The following ZNF91 variants were observed in gnomAD, a reference collection of about 807,000 sequenced individuals.
ZNF91 encodes zinc finger protein 91 (HPF7, HTF10).
Under a neutral mutation model 12.6 loss-of-function variants are expected in ZNF91, and 7 were observed. That is an observed-to-expected ratio of 0.55 (90% CI 0.31 to 1.04). The LOEUF (loss-of-function observed/expected upper bound fraction) is 1.04, where lower values mean the gene tolerates loss of function less well. Among genes scored for constraint, ZNF91 ranks in the 50% least tolerant of loss-of-function variants. ZNF91 has a pLI of 0.05. For synonymous variants in ZNF91, 453 were observed against 462.6 expected (o/e 0.98, Z 0.27); for missense variants, 1,217 against 1,385.4 (o/e 0.88, Z 1.93).
chr19:23,373,821 C>T lies in ZNF91; in HGVS notation c.174G>A (p.Lys58=), dbSNP rs1049572487. ...GCTCCAGATAAGTAATCAGGTCTGG[C>T]TTAGAGAGAGCAATACCTGTTTTAT... ...NLAFLGIALS[K]PDLITYLEQG... The change falls in exon 3 of 4, where the codon AAG becomes AAA. Residue 58 remains lysine, a synonymous_variant. Coordinates refer to ENST00000300619, the MANE Select transcript of ZNF91 (RefSeq NM_003430.4). The T allele has an allele frequency of 6.2e-7, 1 of 1,605,428 alleles. No individual in the cohort carries two copies. The highest frequency in any genetic ancestry group is 1.3e-5 in the African/African-American group (1 of 74,496).
chr19:23,340,660 T>C (rs912664302), intron 3 of ZNF91, among the ~76,000 whole-genome samples: 2 of 151,858 alleles, frequency 1.3e-5, no homozygotes, highest in African/African-American at 4.8e-5. Context: ...AAACTCTTCC[T>C]AAGTCACTCA....
rs369524177 is a variant in ZNF91, at chr19:23,361,295, T to C, written c.1684A>G (p.Thr562Ala). The C allele has an allele frequency of 8.7e-6, 14 of 1,611,818 alleles. No homozygotes were observed. In the African/African-American group the frequency reaches 1.7e-4, roughly 20 times the overall value. Residue 562 changes from threonine (T) to alanine (A), a missense_variant, in exon 4 of 4, where the codon ACT becomes GCT. Coordinates refer to ENST00000300619, the MANE Select transcript of ZNF91 (RefSeq NM_003430.4). ...GKAFKQFSTL[T>A]THKIIHAGKK... ...CCAGCATGAATTATTTTATGTGTAG[T>C]AAGGGTTGAGAATTGCTTAAAAGCT...
chr19:23,313,699 G>T (rs1967507160), upstream of ZNF91, among the ~76,000 whole-genome samples: 1 of 152,152 alleles, frequency 6.6e-6, no homozygotes, highest in African/African-American at 2.4e-5. Flanking sequence ...TCAGTTTACT[G>T]CTTAGGTTCT....
chr19:23,392,173 A>C (rs1351080159), intron 1 of ZNF91, among the ~76,000 whole-genome samples: 4 of 152,050 alleles, frequency 2.6e-5, no homozygotes, highest in Non-Finnish European at 5.9e-5. Flanking sequence ...AGGTGGGTGG[A>C]TCACCTGAGG....
chr19:23,318,177 G>A (rs1967609658), intron 1 of ZNF91, among the ~76,000 whole-genome samples: 1 of 152,172 alleles, frequency 6.6e-6, no homozygotes, highest in African/African-American at 2.4e-5. Context: ...AAGGCATTGT[G>A]ACACCCAAGT....
intron 3 of ZNF91, among the ~76,000 whole-genome samples, chr19:23,363,779 GAC>G (rs1365359374): frequency 6.6e-6 from 1 of 151,914 alleles, no homozygotes; most frequent in Non-Finnish European, 1.5e-5. Context: ...TAGGAACAGA[GAC>G]AACTATGGAA....
chr19:23,373,489 C>T (rs545874145), intron 3 of ZNF91, among the ~76,000 whole-genome samples: 45 of 151,560 alleles, frequency 3.0e-4, no homozygotes, highest in Non-Finnish European at 4.9e-4. Flanking sequence ...TAGCAAAATG[C>T]ACTCTTTTCT....
chr19:23,352,057 G>T (rs1002310173), intron 3 of ZNF91, among the ~76,000 whole-genome samples: 1 of 152,200 alleles, frequency 6.6e-6, no homozygotes, highest in Non-Finnish European at 1.5e-5. Flanking sequence ...GAACCCAGGG[G>T]AAGGCGAGAA....
Position 23,318,980 on chromosome 19 carries a change from A to G in ZNF91, n.117-9883T>C, listed in dbSNP as rs560722529. On this transcript the variant is annotated intron_variant and non_coding_transcript_variant, in intron 1 of 1. Coordinates refer to the ZNF91 transcript ENST00000596528. ...GTAATTTTGACATAGGGCTGGGCTC[A>G]TCTGTCTAGGTTATGTGACAGGTTA... Among the ~76,000 whole-genome samples, 149 of 152,300 alleles carry G rather than the reference A, an allele frequency of 9.8e-4. 1 individual carries two copies. In the Middle Eastern group the frequency reaches 0.014, roughly 14 times the overall value.
chr19:23,363,388 CAG>C (rs1968888038), intron 3 of ZNF91, among the ~76,000 whole-genome samples: 1 of 152,154 alleles, frequency 6.6e-6, no homozygotes. Context: ...GTTACAGCAG[CAG>C]AGAGACTGCA....
At chr19:23,343,177 TA>T (rs1222724948) in intron 3 of ZNF91, among the ~76,000 whole-genome samples, 1 of 150,974 alleles carries the variant, frequency 6.6e-6, no homozygotes, top group African/African-American at 2.5e-5. Context: ...TTATACACAG[TA>T]AGTTCTGTCC....
At chr19:23,331,340 ATT>A (rs1425877671) in intron 1 of ZNF91, among the ~76,000 whole-genome samples, 2 of 152,228 alleles carry the variant, frequency 1.3e-5, no homozygotes, top group African/African-American at 2.4e-5. Context: ...CAGAGAAGTA[ATT>A]TGAGTTTACT....
downstream of ZNF91, among the ~76,000 whole-genome samples, chr19:23,335,327 G>A (rs1416652416): frequency 1.3e-5 from 2 of 152,138 alleles, no homozygotes; most frequent in Non-Finnish European, 2.9e-5. Flanking sequence ...CTCTGTGCTG[G>A]GAGAACCACT....
intron 3 of ZNF91, among the ~76,000 whole-genome samples, chr19:23,365,067 G>C (rs1042291820): frequency 4.0e-5 from 6 of 151,392 alleles, no homozygotes; most frequent in Admixed American, 3.3e-4. Flanking sequence ...CCATCAACTA[G>C]ATTAACATAT....
intron 2 of ZNF91, 94 bp downstream of exon 2, chr19:23,374,544 A>G: frequency 4.7e-6 from 6 of 1,279,950 alleles, no homozygotes; most frequent in Non-Finnish European, 6.3e-6. Flanking sequence ...TGGGCAACAG[A>G]GCAAGACTCT....
intron 3 of ZNF91, among the ~76,000 whole-genome samples, chr19:23,370,503 A>G (rs1472348030): frequency 6.6e-6 from 1 of 152,122 alleles, no homozygotes; most frequent in African/African-American, 2.4e-5. Context: ...TGAAATATAC[A>G]GTTTTGTTTA....
chr19:23,364,026 G>C (rs1968907387), intron 3 of ZNF91, among the ~76,000 whole-genome samples: 1 of 152,098 alleles, frequency 6.6e-6, no homozygotes, highest in Non-Finnish European at 1.5e-5. Context: ...TAAAAGTGAT[G>C]TGCCAGGCCA....
chr19:23,390,248 G>A (rs947625694), intron 1 of ZNF91, among the ~76,000 whole-genome samples: 5 of 152,054 alleles, frequency 3.3e-5, no homozygotes, highest in Admixed American at 6.6e-5. Context: ...CCCGGGAGAC[G>A]GAGGTTGTGG....
chr19:23,385,980 CAAAAT>C (rs976951163), intron 1 of ZNF91, among the ~76,000 whole-genome samples: 2 of 151,740 alleles, frequency 1.3e-5, no homozygotes, highest in Non-Finnish European at 2.9e-5. Context: ...TTTTAGGATA[CAAAAT>C]AAATGGACAA....
Sources: allele counts gnomAD v4.1 joint callset (sites outside exome capture counted in the v4.1 genomes callset), GRCh38; gene constraint gnomAD v4.1.1; transcripts MANE v1.5; gene names NCBI Gene and HGNC (gene_info 2026-07-23, HGNC 2026-07-21).